Variants in TMLHE observed in about 807,000 individuals in gnomAD.
TMLHE encodes the protein trimethyllysine dioxygenase, mitochondrial.
A neutral mutation model predicts 25.7 loss-of-function variants in TMLHE; 18 were observed. The ratio of observed to expected loss-of-function variants is 0.70; its 90% confidence interval spans 0.48 to 1.04. TMLHE has a LOEUF of 1.04. Among genes scored for constraint, TMLHE ranks in the 50% least tolerant of loss-of-function variants. The probability of loss-of-function intolerance (pLI) is 0.00; values close to 1 mark genes in which losing one functional copy is unlikely to be tolerated. For missense variants in TMLHE, 236 were observed against 259.0 expected (o/e 0.91, Z 0.61); for synonymous variants, 105 against 97.0 (o/e 1.08, Z -0.49).
At chrX:155,550,033 G>C (rs782389748) in intron 1 of TMLHE, among the ~76,000 whole-genome samples, 10 of 110,416 alleles carry the variant, frequency 9.1e-5, no homozygotes, top group Non-Finnish European at 1.7e-4. Context: ...CTACATCCAT[G>C]TCCCTGCAAA....
At chrX:155,582,155 C>G (rs782045455) in intron 1 of TMLHE, among the ~76,000 whole-genome samples, 1 of 112,184 alleles carries the variant, frequency 8.9e-6, no homozygotes, top group East Asian at 2.8e-4. Flanking sequence ...CTTCCTTACA[C>G]CTTATACAAA....
intron 1 of TMLHE, among the ~76,000 whole-genome samples, chrX:155,565,848 G>T (rs1557342153): frequency 3.2e-5 from 2 of 62,135 alleles, no homozygotes; most frequent in African/African-American, 7.1e-5. Context: ...GCCTTTGGCT[G>T]CTGTGAGTTT....
At chrX:155,521,994 C>T (rs965646066) in intron 3 of TMLHE, among the ~76,000 whole-genome samples, 2 of 109,236 alleles carry the variant, frequency 1.8e-5, no homozygotes, top group African/African-American at 3.3e-5. Flanking sequence ...GCGTCGCTCA[C>T]GCTGGGAGCT....
At chrX:155,549,275 G>C (rs1344097161) in intron 1 of TMLHE, among the ~76,000 whole-genome samples, 1 of 110,493 alleles carries the variant, frequency 9.1e-6, no homozygotes, top group Admixed American at 9.6e-5. Context: ...AGTAAGCATG[G>C]ACAACCTTGC....
At chrX:155,543,354 A>G (rs2124407909) in intron 2 of TMLHE, among the ~76,000 whole-genome samples, 1 of 112,220 alleles carries the variant, frequency 8.9e-6, no homozygotes, top group Non-Finnish European at 1.9e-5. Flanking sequence ...TAAAATCAAC[A>G]TACAAAAATC....
intron 1 of TMLHE, among the ~76,000 whole-genome samples, chrX:155,610,690 A>G (rs2067813844): frequency 9.0e-6 from 1 of 111,325 alleles, no homozygotes; most frequent in Non-Finnish European, 1.9e-5. Context: ...TCAATTAAAA[A>G]AGAATATTGC....
intron 1 of TMLHE, among the ~76,000 whole-genome samples, chrX:155,550,466 A>C (rs1426835942): frequency 9.0e-6 from 1 of 111,285 alleles, no homozygotes; most frequent in Non-Finnish European, 1.9e-5. Flanking sequence ...TACTTGGATA[A>C]GTAGCACTGA....
At chrX:155,520,388 TC>T (rs2067183542) in intron 3 of TMLHE, among the ~76,000 whole-genome samples, 1 of 20,255 alleles carries the variant, frequency 4.9e-5, no homozygotes, top group Non-Finnish European at 8.9e-5. Flanking sequence ...TGCCGACAGA[TC>T]CGCTGTTAGT....
At chrX:155,509,307 G>C (rs2067093255) in intron 5 of TMLHE, among the ~76,000 whole-genome samples, 1 of 111,165 alleles carries the variant, frequency 9.0e-6, no homozygotes, top group South Asian at 3.8e-4. Flanking sequence ...CCATTTTACA[G>C]ATGAGGAAAC....
rs1395160789 is a variant in TMLHE at position 155,542,720 on chromosome X, G to A, written c.181+2376C>T. Among the ~76,000 whole-genome samples the A allele has an allele frequency of 4.5e-5, 5 of 111,447 alleles. No homozygotes were observed. In the Admixed American group the frequency reaches 4.8e-4, roughly 11 times the overall value. On this transcript the variant is annotated intron_variant, in intron 2 of 7. Transcript: ENST00000334398. ...GATATATAATTCTACATTGGTAGTTGTCCCCCCTTTAACACTTTAAGGTTG... is the reference window on the plus strand; with the variant it reads ...GATATATAATTCTACATTGGTAGTTATCCCCCCTTTAACACTTTAAGGTTG...
At chrX:155,576,407 T>C (rs1317018068) in intron 1 of TMLHE, among the ~76,000 whole-genome samples, 1 of 110,697 alleles carries the variant, frequency 9.0e-6, no homozygotes, top group African/African-American at 3.3e-5. Context: ...ATAAGAAGAG[T>C]CAATATTGTT....
chrX:155,605,291 C>A (rs2067780532), intron 1 of TMLHE, among the ~76,000 whole-genome samples: 2 of 111,626 alleles, frequency 1.8e-5, no homozygotes, highest in African/African-American at 3.3e-5. Flanking sequence ...GAAAGGACAA[C>A]ATTCAAATTC....
At chrX:155,510,711 C>T (rs10007922) in intron 5 of TMLHE, among the ~76,000 whole-genome samples, 69 of 108,903 alleles carry the variant, frequency 6.3e-4, no homozygotes, top group African/African-American at 2.0e-3. Flanking sequence ...AGTAAACATA[C>T]GTGTGCATGT....
intron 1 of TMLHE, among the ~76,000 whole-genome samples, chrX:155,581,527 T>C (rs2067628357): frequency 9.0e-6 from 1 of 110,729 alleles, no homozygotes; most frequent in East Asian, 2.8e-4. Context: ...TATACACCAA[T>C]TACAGACAAA....
chrX:155,544,997 AC>A, intron 2 of TMLHE, 98 bp downstream of exon 2: 1 of 944,748 alleles, frequency 1.1e-6, no homozygotes, highest in Non-Finnish European at 1.5e-6. Context: ...GTGTTTTCTT[AC>A]CACGATTTTA....
In TMLHE at chrX:155,565,518, G is replaced by A. The variant is rs1173566430; in HGVS notation, c.-1-20241C>T. On this transcript the variant is annotated intron_variant, in intron 1 of 7. Coordinates refer to ENST00000334398, the MANE Select transcript of TMLHE (RefSeq NM_018196.4). ...GGTCTTAAAAGGACTTCTAGGGGCT[G>A]CAGAGGCACACTGGGGTGGCATTAT... is the stretch of plus-strand genomic sequence containing the variant. Among the ~76,000 whole-genome samples, 2 of 61,828 alleles carry A rather than the reference G, an allele frequency of 3.2e-5. 1 individual carries two copies. The highest frequency in any genetic ancestry group is 9.1e-5 in the Non-Finnish European group (2 of 22,036). 53.7% of individuals were successfully genotyped at this position (61,828 alleles called of 115,157 possible).
chrX:155,560,959 G>C (rs1320859392), intron 1 of TMLHE, among the ~76,000 whole-genome samples: 1 of 61,439 alleles, frequency 1.6e-5, no homozygotes, highest in Non-Finnish European at 4.5e-5. Context: ...ATACCTGTTA[G>C]TAGGCTATTA....
At chrX:155,541,780 A>G (rs1171643938) in intron 2 of TMLHE, among the ~76,000 whole-genome samples, 1 of 111,484 alleles carries the variant, frequency 9.0e-6, no homozygotes, top group Admixed American at 9.5e-5. Context: ...TTTGATTTGC[A>G]TTTTTCTGAT....
At chrX:155,550,716 T>A in intron 1 of TMLHE, among the ~76,000 whole-genome samples, 1 of 110,872 alleles carries the variant, frequency 9.0e-6, no homozygotes, top group Admixed American at 9.6e-5. Context: ...ACAAGTGGTT[T>A]CTCAATCCTG....
Sources: gnomAD v4.1 joint callset for allele counts (sites outside exome capture counted in the v4.1 genomes callset) on GRCh38, gnomAD v4.1.1 for gene constraint, MANE v1.5 for transcripts, NCBI Gene and HGNC (gene_info 2026-07-23, HGNC 2026-07-21) for gene names.